The following PCDH15 variants were observed in gnomAD, a reference collection of about 807,000 sequenced individuals.
PCDH15 encodes the protein protocadherin-15.
A neutral mutation model predicts 178.5 loss-of-function variants in PCDH15; 129 were observed. That is an observed-to-expected ratio of 0.72 (90% CI 0.63 to 0.84). The LOEUF is 0.84. Among genes scored for constraint, PCDH15 ranks in the 40% least tolerant of loss-of-function variants. The pLI is 0.00. For missense variants in PCDH15, 2,230 were observed against 2,099.9 expected, an observed-to-expected ratio of 1.06 and a Z score of -1.21; for synonymous variants, 800 against 732.0, an observed-to-expected ratio of 1.09 and a Z score of -1.50.
intron 11 of PCDH15, among the ~76,000 whole-genome samples, chr10:54,192,073 A>G (rs957787873): frequency 2.0e-5 from 3 of 150,090 alleles, no homozygotes; most frequent in Non-Finnish European, 3.0e-5. Context: ...AGGCAGAAGG[A>G]AAGAAGAAAG....
intron 2 of PCDH15, among the ~76,000 whole-genome samples, chr10:55,424,891 T>TA (rs71735262): frequency 2.6e-5 from 4 of 151,224 alleles, no homozygotes; most frequent in African/African-American, 9.7e-5. Context: ...ATGTGGCAAT[T>TA]AAAAAAAAGT....
chr10:53,911,725 C>T (rs1349756118), intron 25 of PCDH15, among the ~76,000 whole-genome samples: 1 of 151,926 alleles, frequency 6.6e-6, no homozygotes, highest in Non-Finnish European at 1.5e-5. Flanking sequence ...AGTCTTGCAC[C>T]ATCACAAGAC....
chr10:53,905,200 A>G (rs2082590548), intron 25 of PCDH15: 1 of 518,850 alleles, frequency 1.9e-6, no homozygotes, highest in Non-Finnish European at 3.8e-6. Flanking sequence ...CACCTGAGTG[A>G]CTAAACGTCA....
chr10:54,334,589 C>G (rs1442196327), intron 6 of PCDH15, among the ~76,000 whole-genome samples: 2 of 152,034 alleles, frequency 1.3e-5, no homozygotes, highest in Non-Finnish European at 2.9e-5. Context: ...AAGACTCCAG[C>G]CTTTCACACC....
intron 10 of PCDH15, among the ~76,000 whole-genome samples, chr10:54,212,909 C>A (rs146215292): frequency 1.3e-5 from 2 of 152,172 alleles, no homozygotes; most frequent in African/African-American, 4.8e-5. Context: ...TTACCTTATC[C>A]GAACTTTAGT....
chr10:53,878,250 T>C (rs1261068723), intron 26 of PCDH15, among the ~76,000 whole-genome samples: 2 of 135,284 alleles, frequency 1.5e-5, no homozygotes, highest in South Asian at 4.6e-4. Flanking sequence ...ATATTCTACA[T>C]ATACATACAG....
At chr10:55,185,885 A>G (rs759933243) in intron 1 of PCDH15, among the ~76,000 whole-genome samples, 1 of 151,804 alleles carries the variant, frequency 6.6e-6, no homozygotes, top group Non-Finnish European at 1.5e-5. Context: ...TGAAATATTT[A>G]TACATTTGAA....
chr10:54,895,932 G>A (rs1954536822), intron 3 of PCDH15, among the ~76,000 whole-genome samples: 1 of 150,160 alleles, frequency 6.7e-6, no homozygotes. Context: ...TGTTGCCCAG[G>A]CTAGAGTGCA....
chr10:54,212,688 C>T (rs1466563846), intron 10 of PCDH15, among the ~76,000 whole-genome samples: 1 of 152,056 alleles, frequency 6.6e-6, no homozygotes, highest in African/African-American at 2.4e-5. Flanking sequence ...GACTGTTTCC[C>T]TTTCTAGACT....
chr10:55,425,860 ATGAG>A (rs1015896590), intron 2 of PCDH15, among the ~76,000 whole-genome samples: 5 of 152,234 alleles, frequency 3.3e-5, no homozygotes, highest in Non-Finnish European at 7.3e-5. Flanking sequence ...ATGACACAAA[ATGAG>A]TGTATTTTCT....
chr10:55,017,546 C>T (rs1446201186), intron 2 of PCDH15, among the ~76,000 whole-genome samples: 1 of 152,006 alleles, frequency 6.6e-6, no homozygotes, highest in Non-Finnish European at 1.5e-5. Context: ...ATTTTGTTGC[C>T]TGACAGTGTA....
intron 20 of PCDH15, among the ~76,000 whole-genome samples, chr10:54,011,137 G>A (rs1212220126): frequency 1.3e-5 from 2 of 152,120 alleles, no homozygotes; most frequent in Non-Finnish European, 2.9e-5. Context: ...GACATTCCCA[G>A]TAGGAGCAGT....
At chr10:55,129,896 A>G (rs1837998216) in intron 2 of PCDH15, among the ~76,000 whole-genome samples, 1 of 152,158 alleles carries the variant, frequency 6.6e-6, no homozygotes, top group African/African-American at 2.4e-5. Context: ...GCAATGCTAT[A>G]TAATATACAA....
At position 54,610,398 on chromosome 10, in the gene PCDH15, A is replaced by C. The variant is rs114315040; in HGVS notation, c.91+53774T>G. On this transcript the variant is annotated intron_variant, in intron 2 of 37. Transcript: ENST00000644397. ...ATTCCATTTACACCAATCCCATGAG[A>C]TAGGTACGTTTTAACCATTTTATAA... Among the ~76,000 whole-genome samples, 627 of 151,984 alleles carry C rather than the reference A, an allele frequency of 4.1e-3. 6 individuals are homozygous for C. The highest frequency in any genetic ancestry group is 0.015 in the African/African-American group (604 of 41,560).
At chr10:53,997,555 A>T (rs2091913172) in intron 20 of PCDH15, among the ~76,000 whole-genome samples, 2 of 152,106 alleles carry the variant, frequency 1.3e-5, no homozygotes, top group Admixed American at 1.3e-4. Flanking sequence ...TTCTCAGGGG[A>T]AATTTAAAAC....
chr10:53,889,354 A>G (rs2081396813), intron 26 of PCDH15, among the ~76,000 whole-genome samples: 1 of 152,130 alleles, frequency 6.6e-6, no homozygotes, highest in African/African-American at 2.4e-5. Flanking sequence ...TAAAGACTTA[A>G]TGAGAAAACA....
intron 2 of PCDH15, among the ~76,000 whole-genome samples, chr10:54,636,361 G>T (rs2093853052): frequency 6.6e-6 from 1 of 151,894 alleles, no homozygotes; most frequent in South Asian, 2.1e-4. Context: ...TACCCTCAGA[G>T]ATAATCACTT....
rs2048193714 is a variant in PCDH15 at position 54,183,450 on chromosome 10, G to A, written c.1584C>T (p.Val528=). ...VYTDMRPGDS[V]IQLTAVDADE... ...ATATTATGTGAGTAGTTACCTGTAT[G>A]ACACTGTCCCCAGGTCTCATGTCTG... is the stretch of plus-strand genomic sequence containing the variant. The change falls in exon 13 of 38, where the codon GTC becomes GTT. Residue 528 remains valine (V), a synonymous_variant. Transcript: ENST00000644397. 1 of 1,611,332 alleles carries A rather than the reference G, an allele frequency of 6.2e-7. No individual in the cohort carries two copies. Among genetic ancestry groups the A allele is most frequent in the Non-Finnish European group, 8.5e-7 (1 of 1,177,614 alleles).
intron 19 of PCDH15, among the ~76,000 whole-genome samples, chr10:54,021,742 T>A (rs1022007057): frequency 6.6e-6 from 1 of 151,978 alleles, no homozygotes; most frequent in African/African-American, 2.4e-5. Context: ...GACCTACGTT[T>A]TAACTACTAA....
Sources: allele counts gnomAD v4.1 joint callset (sites outside exome capture counted in the v4.1 genomes callset), GRCh38; gene constraint gnomAD v4.1.1; transcripts MANE v1.5; gene names NCBI Gene and HGNC (gene_info 2026-07-23, HGNC 2026-07-21).